The following ARHGEF11 variants were observed in gnomAD, a reference collection of about 807,000 sequenced individuals.
ARHGEF11 encodes Rho guanine nucleotide exchange factor 11.
ARHGEF11 carries 55 observed loss-of-function variants against 193.7 expected under a neutral mutation model. The observed-to-expected ratio is 0.28, with a 90% CI of 0.23 to 0.36. The LOEUF is 0.36. Among genes scored for constraint, ARHGEF11 ranks in the 10% least tolerant of loss-of-function variants. The pLI, the probability that ARHGEF11 is intolerant of heterozygous loss-of-function variation, is 1.00. For synonymous variants in ARHGEF11, 693 were observed against 768.0 expected, an observed-to-expected ratio of 0.90 and a Z score of 1.62; for missense variants, 1,723 against 2,005.6, an observed-to-expected ratio of 0.86 and a Z score of 2.69.
At chr1:156,976,919 G>A in intron 7 of ARHGEF11, 64 bp downstream of exon 7, 2 of 1,432,846 alleles carry the variant, frequency 1.4e-6, no homozygotes, top group South Asian at 1.2e-5. Flanking sequence ...ACATTGGCAG[G>A]CTGCTCTGAT....
chr1:157,033,944 A>G (rs532651721), intron 1 of ARHGEF11, among the ~76,000 whole-genome samples: 1 of 152,280 alleles, frequency 6.6e-6, no homozygotes, highest in Admixed American at 6.5e-5. Flanking sequence ...GTCTCCCTCC[A>G]CAAAACCATA....
intron 1 of ARHGEF11, among the ~76,000 whole-genome samples, chr1:157,016,721 G>C (rs1204604717): frequency 1.3e-5 from 2 of 152,152 alleles, no homozygotes; most frequent in African/African-American, 4.8e-5. Context: ...TAGACAAAAT[G>C]AAATTGGCAT....
At chr1:156,942,060 C>T in intron 33 of ARHGEF11, 71 bp from the exon 34 acceptor site, 1 of 1,608,096 alleles carries the variant, frequency 6.2e-7, no homozygotes, top group Non-Finnish European at 8.5e-7. Context: ...CCGTACTGAG[C>T]CCACTGGAAC....
chr1:157,015,046 T>C (rs1299060071), intron 1 of ARHGEF11, among the ~76,000 whole-genome samples: 1 of 152,166 alleles, frequency 6.6e-6, no homozygotes, highest in Admixed American at 6.5e-5. Context: ...ACCACACCTC[T>C]GTCCTCCTCT....
At chr1:157,007,661 G>C (rs1301084382) in intron 1 of ARHGEF11, among the ~76,000 whole-genome samples, 2 of 152,122 alleles carry the variant, frequency 1.3e-5, no homozygotes, top group African/African-American at 4.8e-5. Context: ...GCTTTCCCTA[G>C]CAGGGTCTCA....
chr1:156,976,755 C>T (rs977426504), intron 7 of ARHGEF11, among the ~76,000 whole-genome samples: 2 of 152,150 alleles, frequency 1.3e-5, no homozygotes, highest in African/African-American at 4.8e-5. Flanking sequence ...TATTCACTAT[C>T]CTAATCTATT....
Position 156,937,506 on chromosome 1 carries a change from C to T in ARHGEF11, c.4193-10G>A. The T allele has an allele frequency of 6.6e-7, 1 of 1,514,330 alleles. No homozygotes were observed. Among genetic ancestry groups the T allele is most frequent in the South Asian group, 1.3e-5 (1 of 74,876 alleles). The allele number at this position is 1,514,330 out of a possible 1,614,324, so 93.8% of individuals were successfully genotyped here. On this transcript the variant is annotated splice_polypyrimidine_tract_variant and intron_variant, in intron 38 of 40. Coordinates refer to ENST00000368194, the MANE Select transcript of ARHGEF11 (RefSeq NM_198236.3). ...ACATAAAAGCAGTTCCCTGTCCCCACAGTAAGAGAATGAGATCAGGAGGCA... is the reference window on the plus strand; with the variant it reads ...ACATAAAAGCAGTTCCCTGTCCCCATAGTAAGAGAATGAGATCAGGAGGCA...
chr1:156,938,208 T>G (rs1214920528), intron 38 of ARHGEF11, among the ~76,000 whole-genome samples: 2 of 152,166 alleles, frequency 1.3e-5, no homozygotes, highest in African/African-American at 4.8e-5. Context: ...AACAGGAGCC[T>G]GGACAGGTGG....
In ARHGEF11 at chr1:156,951,603, C is replaced by T. The variant is rs1194659069; in HGVS notation, c.1895G>A (p.Ser632Asn). The change falls in exon 22 of 41, where the codon AGC (serine) becomes AAC (asparagine). Residue 632 changes from serine to asparagine, a missense_variant. Ser to Asn is a conservative substitution (Grantham distance 46, BLOSUM62 1). Transcript: ENST00000368194. ...EPGTQRLSTG[S>N]FPEDLLESDS... is the part of the protein sequence containing the mutation. ...ACTCTCCAGCAGGTCCTCAGGAAAGCTTCCGGTCGAGAGTCGTTGTGTCCC... is the reference window on the plus strand; with the variant it reads ...ACTCTCCAGCAGGTCCTCAGGAAAGTTTCCGGTCGAGAGTCGTTGTGTCCC... 2 of 1,614,074 alleles carry T rather than the reference C, an allele frequency of 1.2e-6. No individual in the cohort carries two copies. The highest frequency in any genetic ancestry group is 2.7e-5 in the African/African-American group (2 of 74,924).
At chr1:156,977,118 A>G in intron 6 of ARHGEF11, 64 bp from the exon 7 acceptor site, 17 of 1,398,338 alleles carry the variant, frequency 1.2e-5, no homozygotes, top group Non-Finnish European at 1.7e-5. Context: ...GCTCTCTTCT[A>G]TCTGCTGGTT....
intron 1 of ARHGEF11, among the ~76,000 whole-genome samples, chr1:157,026,884 A>C (rs996008199): frequency 2.0e-5 from 3 of 152,202 alleles, no homozygotes; most frequent in Non-Finnish European, 4.4e-5. Flanking sequence ...ATAACATGTG[A>C]GAAAACAAAC....
At chr1:156,993,353 T>C (rs763142471) in intron 1 of ARHGEF11, among the ~76,000 whole-genome samples, 14 of 152,168 alleles carry the variant, frequency 9.2e-5, no homozygotes, top group Non-Finnish European at 1.5e-4. Context: ...CCCACACACA[T>C]ATAATATATA....
intron 1 of ARHGEF11, among the ~76,000 whole-genome samples, chr1:156,991,607 A>G (rs1665711601): frequency 6.6e-6 from 1 of 151,934 alleles, no homozygotes; most frequent in South Asian, 2.1e-4. Flanking sequence ...GGCGTGAGCC[A>G]CTGTCCTTGG....
chr1:156,959,481 C>T (rs1453287598), intron 15 of ARHGEF11, among the ~76,000 whole-genome samples: 1 of 152,228 alleles, frequency 6.6e-6, no homozygotes, highest in Non-Finnish European at 1.5e-5. Context: ...TTGTTCCCCT[C>T]TACTGCTCCA....
At chr1:156,998,383 A>G (rs1256866106) in intron 1 of ARHGEF11, among the ~76,000 whole-genome samples, 1 of 152,254 alleles carries the variant, frequency 6.6e-6, no homozygotes, top group African/African-American at 2.4e-5. Context: ...AGCTATGCCC[A>G]GGAATTTACA....
At chr1:157,006,015 C>T (rs864266) in intron 1 of ARHGEF11, among the ~76,000 whole-genome samples, 119,270 of 152,200 alleles carry the variant, frequency 0.78, 47,095 homozygotes, top group Non-Finnish European at 0.84. Context: ...TGGGCATGTG[C>T]GTATATGTAC....
chr1:156,937,121 G>A, intron 39 of ARHGEF11, 116 bp from the exon 40 acceptor site: 1 of 1,566,134 alleles, frequency 6.4e-7, no homozygotes, highest in Admixed American at 1.8e-5. Context: ...GGCTGGGCGG[G>A]CTGGGGGAAG....
chr1:157,019,911 G>A (rs1395165515), intron 1 of ARHGEF11, among the ~76,000 whole-genome samples: 1 of 152,124 alleles, frequency 6.6e-6, no homozygotes, highest in African/African-American at 2.4e-5. Flanking sequence ...CAGATCACAA[G>A]GTCAGGAGAT....
chr1:157,039,782 A>G (rs747529061), intron 1 of ARHGEF11, among the ~76,000 whole-genome samples: 12 of 152,236 alleles, frequency 7.9e-5, no homozygotes, highest in Non-Finnish European at 1.8e-4. Flanking sequence ...GTCAATATAG[A>G]TTAAAATAAC....
Sources: gnomAD v4.1 joint callset for allele counts (sites outside exome capture counted in the v4.1 genomes callset) on GRCh38, gnomAD v4.1.1 for gene constraint, MANE v1.5 for transcripts, NCBI Gene and HGNC (gene_info 2026-07-23, HGNC 2026-07-21) for gene names.